Variants in KLF12 observed in about 807,000 individuals in gnomAD.
KLF12 encodes the protein KLF transcription factor 12, also known as Krueppel-like factor 12.
A neutral mutation model predicts 37.8 loss-of-function variants in KLF12; 9 were observed. That is an observed-to-expected ratio of 0.24 (90% confidence interval 0.14 to 0.42). KLF12 has a LOEUF of 0.42. Ranked by LOEUF, KLF12 falls within the 10% of genes least tolerant of loss-of-function variation. The pLI is 1.00. For synonymous variants in KLF12, 208 were observed against 202.1 expected (o/e 1.03, Z -0.25); for missense variants, 411 against 516.0 (o/e 0.80, Z 1.97).
At chr13:74,049,047 C>T (rs1893618433) in intron 1 of KLF12, among the ~76,000 whole-genome samples, 1 of 152,208 alleles carries the variant, frequency 6.6e-6, no homozygotes, top group African/African-American at 2.4e-5. Flanking sequence ...ATGAGGAAGA[C>T]TGATTGACAG....
chr13:73,913,926 AGTTT>A (rs1441724106), intron 3 of KLF12, among the ~76,000 whole-genome samples: 3 of 152,210 alleles, frequency 2.0e-5, no homozygotes, highest in African/African-American at 7.2e-5. Context: ...TTAAAAGAAA[AGTTT>A]TTTTTAAAAA....
chr13:73,832,132 T>C (rs1884193485), intron 4 of KLF12, among the ~76,000 whole-genome samples: 1 of 152,192 alleles, frequency 6.6e-6, no homozygotes, highest in South Asian at 2.1e-4. Context: ...ATATTTTGTA[T>C]CATATGCAGT....
intron 3 of KLF12, among the ~76,000 whole-genome samples, chr13:73,876,372 C>G (rs73216793): frequency 1.3e-5 from 2 of 152,096 alleles, no homozygotes; most frequent in Admixed American, 6.5e-5. Context: ...TTTCTAGGAC[C>G]AGCTTGAGAA....
At chr13:73,936,426 T>C (rs1300519141) in intron 3 of KLF12, among the ~76,000 whole-genome samples, 2 of 152,162 alleles carry the variant, frequency 1.3e-5, no homozygotes, top group African/African-American at 4.8e-5. Context: ...TTCTGTCAGC[T>C]TTATGTGAGC....
chr13:74,142,158 C>T, the KLF12 span, among the ~76,000 whole-genome samples: 22 of 152,300 alleles, frequency 1.4e-4, no homozygotes, highest in Non-Finnish European at 2.6e-4. Flanking sequence ...GTGTGATTTA[C>T]CTAAGGCAAA....
upstream of KLF12, among the ~76,000 whole-genome samples, chr13:74,134,345 G>C (rs1184118786): frequency 6.6e-6 from 1 of 151,200 alleles, no homozygotes; most frequent in Non-Finnish European, 1.5e-5. Context: ...TCGCTTTATT[G>C]CCATAAAATG....
intron 1 of KLF12, among the ~76,000 whole-genome samples, chr13:74,037,521 A>AT (rs894858205): frequency 2.0e-5 from 3 of 152,144 alleles, no homozygotes; most frequent in African/African-American, 4.8e-5. Context: ...GAGCCTGCAA[A>AT]TTTTTTTTGC....
At chr13:74,160,251 A>G in the KLF12 span, among the ~76,000 whole-genome samples, 3 of 152,144 alleles carry the variant, frequency 2.0e-5, no homozygotes, top group African/African-American at 7.2e-5. Flanking sequence ...ATGTGTTCCC[A>G]TGTTCTGTGT....
At chr13:74,056,615 GA>G (rs1454458227) in intron 1 of KLF12, among the ~76,000 whole-genome samples, 1 of 152,148 alleles carries the variant, frequency 6.6e-6, no homozygotes, top group Non-Finnish European at 1.5e-5. Flanking sequence ...AATAGGCTCA[GA>G]AAAGTAATCT....
the KLF12 span, among the ~76,000 whole-genome samples, chr13:74,242,140 C>T: frequency 6.6e-6 from 1 of 152,138 alleles, no homozygotes; most frequent in African/African-American, 2.4e-5. Context: ...AAGTATAGAT[C>T]AGTTGAATAG....
intron 3 of KLF12, among the ~76,000 whole-genome samples, chr13:73,938,455 A>T (rs185024792): frequency 1.3e-5 from 2 of 152,304 alleles, no homozygotes; most frequent in African/African-American, 4.8e-5. Context: ...TTTTCAAAAA[A>T]GCACCCGTCT....
At chr13:73,787,285 C>G (rs1181614432) in intron 5 of KLF12, among the ~76,000 whole-genome samples, 1 of 152,144 alleles carries the variant, frequency 6.6e-6, no homozygotes, top group Non-Finnish European at 1.5e-5. Flanking sequence ...TTAAAAACAA[C>G]CCATCTTATG....
intron 1 of KLF12, among the ~76,000 whole-genome samples, chr13:74,040,402 G>A (rs1013161997): frequency 1.3e-5 from 2 of 152,166 alleles, no homozygotes; most frequent in African/African-American, 2.4e-5. Context: ...CACTCCTGAC[G>A]ACTGACACCC....
chr13:73,843,039 T>C (rs1195522034), intron 4 of KLF12, among the ~76,000 whole-genome samples: 2 of 152,236 alleles, frequency 1.3e-5, no homozygotes, highest in Middle Eastern at 3.4e-3. Flanking sequence ...AAATAGAAAA[T>C]ATGGGATGTC....
intron 1 of KLF12, among the ~76,000 whole-genome samples, chr13:74,006,869 ATC>A (rs996086695): frequency 2.6e-5 from 4 of 152,172 alleles, no homozygotes; most frequent in African/African-American, 4.8e-5. Context: ...ACGATTGCTC[ATC>A]TCTAGTCTCT....
At chr13:73,956,283 T>A (rs1050665698) in intron 2 of KLF12, among the ~76,000 whole-genome samples, 2 of 152,244 alleles carry the variant, frequency 1.3e-5, no homozygotes, top group African/African-American at 2.4e-5. Flanking sequence ...CCTCTTTTGC[T>A]ATTTGATGCT....
At chr13:73,915,700 T>A (rs1435838247) in intron 3 of KLF12, among the ~76,000 whole-genome samples, 1 of 147,582 alleles carries the variant, frequency 6.8e-6, no homozygotes, top group African/African-American at 2.5e-5. Context: ...TTTTTTTTTT[T>A]TTTTTTTTTT....
chr13:73,850,475 AGTCT>A (rs1885276931), intron 3 of KLF12, among the ~76,000 whole-genome samples: 1 of 152,214 alleles, frequency 6.6e-6, no homozygotes, highest in Non-Finnish European at 1.5e-5. Context: ...ATTTTATTAC[AGTCT>A]GTCTGTGAAC....
At chr13:73,843,705 A>G (rs981094698) in intron 4 of KLF12, among the ~76,000 whole-genome samples, 6 of 152,192 alleles carry the variant, frequency 3.9e-5, no homozygotes, top group Non-Finnish European at 7.3e-5. Context: ...GTGAGATTAA[A>G]TAACTTTCCC....
Sources: gnomAD v4.1 joint callset for allele counts (sites outside exome capture counted in the v4.1 genomes callset) on GRCh38, gnomAD v4.1.1 for gene constraint, MANE v1.5 for transcripts, NCBI Gene and HGNC (gene_info 2026-07-23, HGNC 2026-07-21) for gene names.